Variants in CLTCL1 observed in about 807,000 individuals in gnomAD.
CLTCL1 encodes clathrin heavy chain 2.
A neutral mutation model predicts 190.0 loss-of-function variants in CLTCL1; 159 were observed. The ratio of observed to expected loss-of-function variants is 0.84; its 90% CI spans 0.74 to 0.95. CLTCL1 has a LOEUF of 0.95. Ranked by LOEUF, CLTCL1 falls within the 40% of genes least tolerant of loss-of-function variation. CLTCL1 has a pLI of 0.00. For missense variants in CLTCL1, 1,878 were observed against 2,033.4 expected, an observed-to-expected ratio of 0.92 and a Z score of 1.47; for synonymous variants, 752 against 769.6, an observed-to-expected ratio of 0.98 and a Z score of 0.38.
rs542079487 is a variant in CLTCL1 at position 19,227,986 on chromosome 22, T to C, written c.1783-1603A>G. On this transcript the variant is annotated intron_variant, in intron 11 of 32. Coordinates refer to ENST00000427926, the MANE Select transcript of CLTCL1 (RefSeq NM_007098.4). ...TGGCTGAGTGAGTGCTCCCTCAGTA[T>C]CTAATGATGGTCTTGACAAGCTACA... is the stretch of plus-strand genomic sequence containing the variant. Among the ~76,000 whole-genome samples the C allele has an allele frequency of 7.9e-5, 12 of 152,292 alleles. No homozygotes were observed. The East Asian group carries it at 9.7e-4, about 12-fold the overall frequency.
chr22:19,271,603 A>G (rs2087322861), intron 2 of CLTCL1, among the ~76,000 whole-genome samples: 1 of 152,150 alleles, frequency 6.6e-6, no homozygotes, highest in African/African-American at 2.4e-5. Flanking sequence ...TGGAACTGTG[A>G]GTCAATTCAA....
At chr22:19,243,972 C>T (rs1194826201) in intron 3 of CLTCL1, among the ~76,000 whole-genome samples, 1 of 152,142 alleles carries the variant, frequency 6.6e-6, no homozygotes, top group African/African-American at 2.4e-5. Context: ...GCTGGGATTA[C>T]AGGCTTGAGC....
chr22:19,181,358 A>G (rs782517556), intron 30 of CLTCL1: 44 of 154,336 alleles, frequency 2.9e-4, no homozygotes, highest in Non-Finnish European at 5.3e-4. Flanking sequence ...GACCCCACCC[A>G]CTGCCAGAGA....
chr22:19,258,810 A>G (rs1601673372), intron 2 of CLTCL1: 1 of 675,072 alleles, frequency 1.5e-6, no homozygotes, highest in East Asian at 2.8e-5. Flanking sequence ...GAATTGAGCC[A>G]GCAGAAGCAG....
At chr22:19,186,994 T>TGAGCCTA in intron 29 of CLTCL1, among the ~76,000 whole-genome samples, 1 of 151,610 alleles carries the variant, frequency 6.6e-6, no homozygotes, top group Non-Finnish European at 1.5e-5. Flanking sequence ...AGCAGTGGTG[T>TGAGCCTA]GATCATAGCT....
At chr22:19,196,459 G>A (rs782476266) in intron 25 of CLTCL1, 30 bp downstream of exon 25, 20 of 1,613,806 alleles carry the variant, frequency 1.2e-5, no homozygotes, top group East Asian at 8.9e-5. Flanking sequence ...ACGTGGCCAC[G>A]GCTGCCAGAC....
chr22:19,245,137 G>A (rs1397461759), intron 3 of CLTCL1, among the ~76,000 whole-genome samples: 1 of 151,174 alleles, frequency 6.6e-6, no homozygotes, highest in Non-Finnish European at 1.5e-5. Flanking sequence ...ATTTGCAAAT[G>A]CTTAGACAGG....
At position 19,253,289 on chromosome 22, in the gene CLTCL1, G is replaced by A. The variant is rs148452273; in HGVS notation, c.519+670C>T. Reference sequence around the variant, plus strand: ...AGGAAGGCCGCGTTGTGTGTGGGCCGTGGTGTGTGCGGGCAGTGTGTGCAA... The same window carrying A: ...AGGAAGGCCGCGTTGTGTGTGGGCCATGGTGTGTGCGGGCAGTGTGTGCAA... On this transcript the variant is annotated intron_variant, in intron 3 of 32. Coordinates refer to ENST00000427926, the MANE Select transcript of CLTCL1 (RefSeq NM_007098.4). 6.6e-5 allele frequency among the ~76,000 whole-genome samples: 10 copies of A among 152,234 alleles called. No homozygotes were observed. The East Asian group carries it at 1.5e-3, about 24-fold the overall frequency.
At chr22:19,223,870 G>A (rs782380491) in intron 14 of CLTCL1, 21 bp downstream of exon 14, 2 of 1,612,548 alleles carry the variant, frequency 1.2e-6, no homozygotes, top group East Asian at 4.5e-5. Flanking sequence ...GCTCATGGAA[G>A]GAGGCAGCAC....
At chr22:19,239,223 G>T in intron 5 of CLTCL1, 52 bp downstream of exon 5, 1 of 1,383,000 alleles carries the variant, frequency 7.2e-7, no homozygotes, top group Non-Finnish European at 1.0e-6. Context: ...CTTGGGAGGT[G>T]CTAGAGTAGA....
chr22:19,201,294 G>A (rs369888536), intron 23 of CLTCL1, 35 bp downstream of exon 23: 15 of 1,582,146 alleles, frequency 9.5e-6, no homozygotes, highest in Non-Finnish European at 1.2e-5. Flanking sequence ...TGCCTGTCCA[G>A]CACACTCTGC....
chr22:19,241,366 G>A (rs1225881175), intron 4 of CLTCL1, among the ~76,000 whole-genome samples: 1 of 152,208 alleles, frequency 6.6e-6, no homozygotes, highest in Non-Finnish European at 1.5e-5. Context: ...TCACTCTGAG[G>A]GAATATGGGA....
intron 7 of CLTCL1, among the ~76,000 whole-genome samples, chr22:19,234,275 A>C (rs879951362): frequency 6.6e-6 from 1 of 152,228 alleles, no homozygotes; most frequent in Non-Finnish European, 1.5e-5. Context: ...GTTGGGTGAG[A>C]GGTACGTATG....
intron 4 of CLTCL1, 143 bp from the exon 5 acceptor site, chr22:19,239,531 C>T: frequency 1.5e-6 from 1 of 684,618 alleles, no homozygotes; most frequent in Non-Finnish European, 2.6e-6. Flanking sequence ...AGCAGAACAA[C>T]CCCCTTGTCG....
Position 19,282,059 on chromosome 22 carries a change from G to A in CLTCL1, c.43-6229C>T, listed in dbSNP as rs187012490. Among the ~76,000 whole-genome samples, 600 of 152,028 alleles carry A rather than the reference G, an allele frequency of 3.9e-3. 3 individuals are homozygous for A. Among genetic ancestry groups the A allele is most frequent in the East Asian group, 0.03 (154 of 5,168 alleles). The stretch of plus-strand genomic sequence containing the variant: ...AAATGGGAAAGGGGCGGCCGGGCAC[G>A]GTGGCTCACGCCTATAATCCTAGCA... On this transcript the variant is annotated intron_variant, in intron 1 of 32. Coordinates refer to ENST00000427926, the MANE Select transcript of CLTCL1 (RefSeq NM_007098.4).
At position 19,253,983 on chromosome 22, in the gene CLTCL1, C is replaced by T; in HGVS notation, c.495G>A (p.Leu165=). The stretch of plus-strand genomic sequence containing the variant: ...CCTGAGCCGAGATGCCTACGAGCAG[C>T]AGCCACTTCTGGTACTCATCAGTCC... ...HYRTDEYQKW[L]LLVGISAQQN... The change falls in exon 3 of 33, where the codon CTG becomes CTA. Residue 165 remains leucine, a synonymous_variant. Transcript: ENST00000427926. The T allele has an allele frequency of 6.2e-7, 1 of 1,612,988 alleles. No individual in the cohort carries two copies. Among genetic ancestry groups the T allele is most frequent in the South Asian group, 1.1e-5 (1 of 90,892 alleles).
In CLTCL1 at chr22:19,198,417, G is replaced by A. The variant is rs781804873; in HGVS notation, c.3873+1317C>T. ...GAGCCACCATGATCCTTTTACCCCC[G>A]ACAGCCCTGCACCCATCCCAAGTAC... On this transcript the variant is annotated intron_variant, in intron 24 of 32. Transcript: ENST00000427926. This position sits in a 1 kb window ranked among gnomAD's most constrained non-coding sequence, Gnocchi z 4.1. 6.6e-6 allele frequency among the ~76,000 whole-genome samples: 1 copy of A among 151,956 alleles called. No homozygotes were observed. Among genetic ancestry groups the A allele is most frequent in the African/African-American group, 2.4e-5 (1 of 41,342 alleles).
At chr22:19,265,150 A>C (rs781900695) in intron 2 of CLTCL1, among the ~76,000 whole-genome samples, 2 of 152,324 alleles carry the variant, frequency 1.3e-5, no homozygotes, top group Admixed American at 1.3e-4. Flanking sequence ...TGCTGCCATA[A>C]AACAGTTCTA....
intron 28 of CLTCL1, 78 bp downstream of exon 28, chr22:19,187,903 C>T: frequency 6.8e-7 from 1 of 1,473,254 alleles, no homozygotes; most frequent in African/African-American, 1.4e-5. Flanking sequence ...GCAAAGGCAG[C>T]CTGCTTTGAG....
Sources: allele counts gnomAD v4.1 joint callset (sites outside exome capture counted in the v4.1 genomes callset), GRCh38; gene constraint gnomAD v4.1.1; non-coding constraint Gnocchi (gnomAD v3.1); transcripts MANE v1.5; gene names NCBI Gene and HGNC (gene_info 2026-07-23, HGNC 2026-07-21).